The following MTURN variants were observed in gnomAD, a reference collection of about 807,000 sequenced individuals.
MTURN encodes the protein maturin, neural progenitor differentiation regulator homolog.
A neutral mutation model predicts 14.9 loss-of-function variants in MTURN; 7 were observed. That is an observed-to-expected ratio of 0.47 (90% CI 0.27 to 0.88). The LOEUF is 0.88. Among genes scored for constraint, MTURN ranks in the 40% least tolerant of loss-of-function variants. MTURN has a pLI of 0.14. For synonymous variants in MTURN, 69 were observed against 72.5 expected, an observed-to-expected ratio of 0.95 and a Z score of 0.25; for missense variants, 151 against 174.1, an observed-to-expected ratio of 0.87 and a Z score of 0.75.
chr7:30,156,797 C>A (rs1045378091), intron 2 of MTURN, among the ~76,000 whole-genome samples: 6 of 151,598 alleles, frequency 4.0e-5, no homozygotes, highest in Non-Finnish European at 8.8e-5. Context: ...TGCACTCCAA[C>A]CTGGCAACAG....
chr7:30,146,368 G>T (rs1257946384), intron 2 of MTURN, 69 bp downstream of exon 2: 2 of 1,589,658 alleles, frequency 1.3e-6, no homozygotes, highest in East Asian at 2.3e-5. Flanking sequence ...TAACAGGGGC[G>T]GTGGGGAAGG....
intron 2 of MTURN, among the ~76,000 whole-genome samples, chr7:30,155,626 C>T (rs534976529): frequency 5.1e-4 from 78 of 152,352 alleles, no homozygotes; most frequent in African/African-American, 1.8e-3. Context: ...CGCAGAGTCT[C>T]TGAGGCAGCT....
chr7:30,154,609 T>C (rs1174813579), intron 2 of MTURN, among the ~76,000 whole-genome samples: 1 of 152,184 alleles, frequency 6.6e-6, no homozygotes, highest in African/African-American at 2.4e-5. Flanking sequence ...GAGAAGGACA[T>C]TGAGGGTCAG....
At chr7:30,153,380 A>G (rs1282307872) in intron 2 of MTURN, among the ~76,000 whole-genome samples, 2 of 152,146 alleles carry the variant, frequency 1.3e-5, no homozygotes, top group Non-Finnish European at 2.9e-5. Flanking sequence ...AGACATTAGC[A>G]TTTCATATTG....
chr7:30,150,637 A>AG (rs1797197049), intron 2 of MTURN, among the ~76,000 whole-genome samples: 1 of 152,336 alleles, frequency 6.6e-6, no homozygotes, highest in Non-Finnish European at 1.5e-5. Context: ...AAGGGCTAGG[A>AG]GTATCAGTGT....
chr7:30,148,792 G>A (rs1296800262), intron 2 of MTURN, among the ~76,000 whole-genome samples: 1 of 152,148 alleles, frequency 6.6e-6, no homozygotes, highest in East Asian at 1.9e-4. Flanking sequence ...GGGGAGTTTG[G>A]GGTTGGTAAT....
At chr7:30,153,609 G>A (rs2128033510) in intron 2 of MTURN, among the ~76,000 whole-genome samples, 1 of 152,270 alleles carries the variant, frequency 6.6e-6, no homozygotes, top group Non-Finnish European at 1.5e-5. Flanking sequence ...TCTGTAAAAG[G>A]GGGACAATAA....
rs1357734146 is a variant in MTURN at position 30,135,064 on chromosome 7, C to T, written c.-73C>T. The T allele has an allele frequency of 1.7e-6, 2 of 1,204,264 alleles. No individual in the cohort carries two copies. Among genetic ancestry groups the T allele is most frequent in the South Asian group, 2.4e-5 (1 of 41,840 alleles). The allele number at this position is 1,204,264 out of a possible 1,614,324, so 74.6% of individuals were successfully genotyped here. On this transcript the variant is annotated 5_prime_UTR_variant, in exon 1 of 3. Transcript: ENST00000324453. Reference sequence around the variant, plus strand: ...CCCGCGCAGGCCGAGCCGAGCGCCGCGCTGCCCGCCCGGGAGGAGGGCGCC... The same window carrying T: ...CCCGCGCAGGCCGAGCCGAGCGCCGTGCTGCCCGCCCGGGAGGAGGGCGCC...
intron 1 of MTURN, among the ~76,000 whole-genome samples, chr7:30,142,755 A>C (rs778244082): frequency 4.6e-5 from 7 of 152,108 alleles, no homozygotes; most frequent in Non-Finnish European, 1.0e-4. Context: ...AAGCCTTTCC[A>C]GGCATTTCTC....
intron 1 of MTURN, among the ~76,000 whole-genome samples, chr7:30,138,160 G>C (rs1286483478): frequency 6.6e-6 from 1 of 152,012 alleles, no homozygotes; most frequent in South Asian, 2.1e-4. Flanking sequence ...CTGTCGCCCA[G>C]GCTGGAGTGT....
intron 2 of MTURN, 57 bp from the exon 3 acceptor site, chr7:30,157,380 TC>T: frequency 6.9e-7 from 1 of 1,459,154 alleles, no homozygotes. Context: ...TTGGTTGTCT[TC>T]CTGCCTGTGG....
At chr7:30,145,844 T>C in intron 1 of MTURN, 1 of 1,540,360 alleles carries the variant, frequency 6.5e-7, no homozygotes. Flanking sequence ...TCCCCATGTC[T>C]GAAAACCGCC....
At chr7:30,139,368 G>T (rs1797013677) in intron 1 of MTURN, among the ~76,000 whole-genome samples, 1 of 151,976 alleles carries the variant, frequency 6.6e-6, no homozygotes, top group Non-Finnish European at 1.5e-5. Flanking sequence ...GGAAGAAACT[G>T]AGGCATGGCA....
intron 1 of MTURN, among the ~76,000 whole-genome samples, chr7:30,135,569 C>G (rs185030485): frequency 2.1e-4 from 32 of 152,078 alleles, no homozygotes; most frequent in African/African-American, 7.5e-4. Flanking sequence ...CCCCTAAAGG[C>G]CACTCCTCTC....
At chr7:30,155,840 T>C (rs1797278841) in intron 2 of MTURN, among the ~76,000 whole-genome samples, 1 of 152,228 alleles carries the variant, frequency 6.6e-6, no homozygotes, top group Non-Finnish European at 1.5e-5. Flanking sequence ...CTGCTTTCTC[T>C]TTCCCCATTT....
chr7:30,149,722 C>T (rs1225095483), intron 2 of MTURN, among the ~76,000 whole-genome samples: 2 of 152,192 alleles, frequency 1.3e-5, no homozygotes, highest in Admixed American at 6.5e-5. Context: ...TTTGTTGAAA[C>T]GCTTACCCAA....
intron 2 of MTURN, among the ~76,000 whole-genome samples, chr7:30,150,363 G>A (rs1797189548): frequency 1.3e-5 from 2 of 152,122 alleles, no homozygotes. Flanking sequence ...CATTAGAAGG[G>A]TAAGTCAAAA....
chr7:30,146,994 C>T (rs1797140345), intron 2 of MTURN, among the ~76,000 whole-genome samples: 1 of 152,166 alleles, frequency 6.6e-6, no homozygotes, highest in Non-Finnish European at 1.5e-5. Context: ...AGTTCGATTC[C>T]CTGCCCACTG....
Position 30,146,238 on chromosome 7 carries a change from C to G in MTURN, c.224C>G (p.Ser75Cys). Reference protein sequence around the residue: ...PFLQLAQDYISSCGKKTLHEV... With the variant: ...PFLQLAQDYICSCGKKTLHEV... ...TTGCAGCTAGCACAGGATTACATCT[C>G]CTCCTGCGGCAAGAAGACGCTCCAC... Residue 75 changes from serine (S) to cysteine (C), a missense_variant, in exon 2 of 3, where the codon TCC becomes TGC. Physicochemically the swap from Ser to Cys is moderately radical, Grantham distance 112. Transcript: ENST00000324453. The G allele has an allele frequency of 6.2e-7, 1 of 1,614,154 alleles. No individual in the cohort carries two copies. The highest frequency in any genetic ancestry group is 8.5e-7 in the Non-Finnish European group (1 of 1,180,044).
Sources: allele counts gnomAD v4.1 joint callset (sites outside exome capture counted in the v4.1 genomes callset), GRCh38; gene constraint gnomAD v4.1.1; transcripts MANE v1.5; gene names NCBI Gene and HGNC (gene_info 2026-07-23, HGNC 2026-07-21).